BPIFA1: variants seen among roughly 807,000 people sequenced by gnomAD.
The protein encoded by BPIFA1 is BPI fold containing family A member 1, also known as BPI fold-containing family A member 1.
Under a neutral mutation model 25.1 loss-of-function variants are expected in BPIFA1, and 24 were observed. The observed-to-expected ratio is 0.96, with a 90% CI of 0.69 to 1.35. The LOEUF (loss-of-function observed/expected upper bound fraction) is 1.35, where lower values mean the gene tolerates loss of function less well. BPIFA1 is among the 40% of genes most tolerant of loss of function. The probability of loss-of-function intolerance (pLI) is 0.00; values close to 1 mark genes in which losing one functional copy is unlikely to be tolerated. For synonymous variants in BPIFA1, 139 were observed against 131.8 expected (o/e 1.05, Z -0.37); for missense variants, 344 against 303.7 (o/e 1.13, Z -0.99).
intron 1 of BPIFA1, 121 bp downstream of exon 1, chr20:33,236,171 C>T (rs1679061206): frequency 6.6e-6 from 1 of 152,184 alleles, no homozygotes; most frequent in African/African-American, 2.4e-5. Flanking sequence ...GAGAAACAGA[C>T]CTGGCCAATG....
intron 2 of BPIFA1, 48 bp downstream of exon 2, chr20:33,237,919 T>A (rs906122003): frequency 2.1e-6 from 3 of 1,411,374 alleles, no homozygotes; most frequent in Non-Finnish European, 2.9e-6. Flanking sequence ...TGTGTGTGTG[T>A]GTGTGTGTGT....
At chr20:33,241,943 A>G in intron 6 of BPIFA1, 113 bp from the exon 7 acceptor site, 2 of 934,232 alleles carry the variant, frequency 2.1e-6, no homozygotes, top group Admixed American at 3.9e-5. Flanking sequence ...GGGATTGCTT[A>G]GAATCACTTT....
At position 33,237,782 on chromosome 20, in the gene BPIFA1, T is replaced by A. The variant is rs1486134617; in HGVS notation, c.71T>A (p.Leu24Gln). The change falls in exon 2 of 9, where the codon CTG becomes CAG. Residue 24 changes from leucine (L) to glutamine (Q), a missense_variant. Leu to Gln is a moderately radical substitution (Grantham distance 113). Coordinates refer to ENST00000354297, the MANE Select transcript of BPIFA1 (RefSeq NM_130852.3). The part of the protein sequence containing the change: ...LAQTMAQFGG[L>Q]PVPLDQTLPL... ...CAGACCATGGCCCAGTTTGGAGGCC[T>A]GCCCGTGCCCCTGGACCAGACCCTG... 1.3e-6 allele frequency: 2 copies of A among 1,595,340 alleles called. No individual in the cohort carries two copies. Among genetic ancestry groups the A allele is most frequent in the Non-Finnish European group, 1.7e-6 (2 of 1,170,378 alleles).
At chr20:33,240,532 A>ATGGAT (rs1441332851) in intron 5 of BPIFA1, 147 bp downstream of exon 5, 6 of 493,714 alleles carry the variant, frequency 1.2e-5, no homozygotes, top group Non-Finnish European at 1.7e-5. Context: ...GCGTGGAAAG[A>ATGGAT]TGGATGGATG....
At position 33,242,148 on chromosome 20, in the gene BPIFA1, C is replaced by G; in HGVS notation, c.730+29C>G. On this transcript the variant is annotated intron_variant, in intron 7 of 8. Coordinates refer to ENST00000354297, the MANE Select transcript of BPIFA1 (RefSeq NM_130852.3). The stretch of plus-strand genomic sequence containing the variant: ...AGTACCTGCTTTCAAGCCCTCTGTC[C>G]CTCTCTGCAGGAGCAGCAACTTCCC... The G allele has an allele frequency of 2.5e-6, 4 of 1,609,590 alleles. No individual in the cohort carries two copies. The South Asian group carries it at 4.4e-5, about 18-fold the overall frequency.
At position 33,242,073 on chromosome 20, in the gene BPIFA1, T is replaced by A. The variant is rs377280120; in HGVS notation, c.684T>A (p.Asn228Lys). 1 of 1,614,174 alleles carries A rather than the reference T, an allele frequency of 6.2e-7. No individual in the cohort carries two copies. Among genetic ancestry groups the A allele is most frequent in the East Asian group, 2.2e-5 (1 of 44,886 alleles). Reference sequence around the variant, plus strand: ...CTGGCCAGGTGTGCCCTCTGGTCAATGAGGTTCTCAGAGGCTTGGACATCA... The same window carrying A: ...CTGGCCAGGTGTGCCCTCTGGTCAAAGAGGTTCTCAGAGGCTTGGACATCA... The part of the protein sequence containing the change: ...LVQGNVCPLV[N>K]EVLRGLDITL... The change falls in exon 7 of 9, where the codon AAT becomes AAA. Residue 228 changes from asparagine to lysine, a missense_variant. Physicochemically the swap from Asn to Lys is moderately conservative, Grantham distance 94. Coordinates refer to ENST00000354297, the MANE Select transcript of BPIFA1 (RefSeq NM_130852.3).
At chr20:33,240,475 G>T in intron 5 of BPIFA1, 90 bp downstream of exon 5, 2 of 1,500,668 alleles carry the variant, frequency 1.3e-6, no homozygotes, top group Admixed American at 3.7e-5. Flanking sequence ...TGAGAGAATA[G>T]ATGAGTGAGA....
At chr20:33,240,679 ATAGATAGATAAAG>A (rs1375365799) in intron 5 of BPIFA1, among the ~76,000 whole-genome samples, 35 of 146,426 alleles carry the variant, frequency 2.4e-4, no homozygotes, top group African/African-American at 9.4e-4. Context: ...AGATAGATAG[ATAGATAGATAAAG>A]TAGTACTTAT....
intron 5 of BPIFA1, among the ~76,000 whole-genome samples, chr20:33,241,010 C>A (rs182901772): frequency 6.6e-6 from 1 of 152,196 alleles, no homozygotes; most frequent in Non-Finnish European, 1.5e-5. Flanking sequence ...AAACCTATTA[C>A]GCAAAAGTTG....
intron 3 of BPIFA1, 79 bp downstream of exon 3, chr20:33,238,293 TGAAGCAGCG>T: frequency 1.2e-6 from 1 of 836,454 alleles, no homozygotes. Flanking sequence ...GCAGTGACCC[TGAAGCAGCG>T]ACCCTGAAGC....
In BPIFA1 at chr20:33,237,861, C is replaced by T; in HGVS notation, c.150C>T (p.Ser50=). 1 of 1,573,908 alleles carries T rather than the reference C, an allele frequency of 6.4e-7. No homozygotes were observed. Among genetic ancestry groups the T allele is most frequent in the Admixed American group, 1.8e-5 (1 of 54,584 alleles). Residue 50 remains serine, a synonymous_variant, in exon 2 of 9, where the codon AGC becomes AGT. Transcript: ENST00000354297. ...LPLSPTGLAG[S]LTNALSNGLL... Reference sequence around the variant, plus strand: ...TGAGTCCCACAGGTCTTGCAGGAAGCTTGACAAATGGTGAGTTTTCAGGGG... The same window carrying T: ...TGAGTCCCACAGGTCTTGCAGGAAGTTTGACAAATGGTGAGTTTTCAGGGG...
intron 4 of BPIFA1, 88 bp from the exon 5 acceptor site, chr20:33,240,145 T>G: frequency 6.4e-7 from 1 of 1,550,676 alleles, no homozygotes; most frequent in Non-Finnish European, 8.7e-7. Context: ...TGGAGTGAGG[T>G]GAGGCTAGCA....
At chr20:33,239,687 C>T in intron 3 of BPIFA1, 116 bp from the exon 4 acceptor site, 1 of 1,008,198 alleles carries the variant, frequency 9.9e-7, no homozygotes, top group Non-Finnish European at 1.5e-6. Context: ...CTCCCATCTC[C>T]CTATCCTGGG....
chr20:33,236,637 A>G (rs1568629296), intron 1 of BPIFA1, among the ~76,000 whole-genome samples: 1 of 152,194 alleles, frequency 6.6e-6, no homozygotes, highest in Non-Finnish European at 1.5e-5. Flanking sequence ...GCTGGCTGCC[A>G]AATAGACCTG....
In BPIFA1 at chr20:33,240,313, A is replaced by G. The variant is rs1239644182; in HGVS notation, c.509A>G (p.Gln170Arg). Residue 170 changes from glutamine (Q) to arginine (R), a missense_variant, in exon 5 of 9, where the codon CAG (glutamine) becomes CGG (arginine). Physicochemically the swap from Gln to Arg is conservative, Grantham distance 43. Transcript: ENST00000354297. Reference sequence around the variant, plus strand: ...GAAATCTTAGCTGTGAGAGATAAGCAGGAGAGGATCCACCTGGTCCTTGGT... The same window carrying G: ...GAAATCTTAGCTGTGAGAGATAAGCGGGAGAGGATCCACCTGGTCCTTGGT... Reference protein sequence around the residue: ...TAEILAVRDKQERIHLVLGDC... With the variant: ...TAEILAVRDKRERIHLVLGDC... 6.2e-7 allele frequency: 1 copy of G among 1,614,156 alleles called. No homozygotes were observed. The highest frequency in any genetic ancestry group is 1.1e-5 in the South Asian group (1 of 91,074).
chr20:33,242,568 G>A lies in BPIFA1; in HGVS notation c.*34+7G>A. On this transcript the variant is annotated splice_region_variant and intron_variant, in intron 8 of 8. Transcript: ENST00000354297. ...GCTGGCCTCTGCTGAGCTGGTAAGT[G>A]CCCTTCCCCACACCCCAGGGTTTTG... 1 of 1,603,084 alleles carries A rather than the reference G, an allele frequency of 6.2e-7. No homozygotes were observed. Among genetic ancestry groups the A allele is most frequent in the Non-Finnish European group, 8.5e-7 (1 of 1,170,174 alleles).
At position 33,237,776 on chromosome 20, in the gene BPIFA1, G is replaced by A. The variant is rs1978749773; in HGVS notation, c.65G>A (p.Gly22Glu). ...TTAGCCCAGACCATGGCCCAGTTTGGAGGCCTGCCCGTGCCCCTGGACCAG... is the reference window on the plus strand; with the variant it reads ...TTAGCCCAGACCATGGCCCAGTTTGAAGGCCTGCCCGTGCCCCTGGACCAG... ...GLLAQTMAQF[G>E]GLPVPLDQTL... The change falls in exon 2 of 9, where the codon GGA (glycine) becomes GAA (glutamate). Residue 22 changes from glycine (G) to glutamate (E), a missense_variant. Physicochemically the swap from Gly to Glu is moderately conservative, Grantham distance 98. Transcript: ENST00000354297. 2.3e-5 allele frequency: 37 copies of A among 1,591,362 alleles called. No individual in the cohort carries two copies. Among genetic ancestry groups the A allele is most frequent in the Non-Finnish European group, 3.2e-5 (37 of 1,168,468 alleles).
intron 3 of BPIFA1, among the ~76,000 whole-genome samples, chr20:33,238,463 C>G (rs927280261): frequency 2.0e-5 from 3 of 152,162 alleles, no homozygotes; most frequent in Non-Finnish European, 4.4e-5. Context: ...TCACCACAAC[C>G]CTTTGAGGTC....
rs1341240859 is a variant in BPIFA1 at position 33,238,769 on chromosome 20, C to T, written c.320+555C>T. On this transcript the variant is annotated intron_variant, in intron 3 of 8. Coordinates refer to ENST00000354297, the MANE Select transcript of BPIFA1 (RefSeq NM_130852.3). ...CTAACGTGGAGTTTCCCATGAGACACCCAAGAGCTCGCAAAGCAAAAAGCA... is the reference window on the plus strand; with the variant it reads ...CTAACGTGGAGTTTCCCATGAGACATCCAAGAGCTCGCAAAGCAAAAAGCA... Among the ~76,000 whole-genome samples the T allele has an allele frequency of 3.9e-5, 6 of 152,146 alleles. No homozygotes were observed. The East Asian group carries it at 7.7e-4, about 20-fold the overall frequency.
Sources: gnomAD v4.1 joint callset for allele counts (sites outside exome capture counted in the v4.1 genomes callset) on GRCh38, gnomAD v4.1.1 for gene constraint, MANE v1.5 for transcripts, NCBI Gene and HGNC (gene_info 2026-07-23, HGNC 2026-07-21) for gene names.